KAZN: variants seen among roughly 807,000 people sequenced by gnomAD.
KAZN encodes kazrin, periplakin interacting protein, also known as kazrin.
Under a neutral mutation model 87.4 loss-of-function variants are expected in KAZN, and 40 were observed. That is an observed-to-expected ratio of 0.46 (90% CI 0.36 to 0.60). The LOEUF (loss-of-function observed/expected upper bound fraction) is 0.60, where lower values mean the gene tolerates loss of function less well. Ranked by LOEUF, KAZN falls within the 20% of genes least tolerant of loss-of-function variation. The pLI, the probability that KAZN is intolerant of heterozygous loss-of-function variation, is 0.00. For synonymous variants in KAZN, 466 were observed against 458.3 expected (o/e 1.02, Z -0.22); for missense variants, 898 against 1,073.9 (o/e 0.84, Z 2.29).
chr1:14,625,947 C>A (rs567737750), intron 1 of KAZN, among the ~76,000 whole-genome samples: 91 of 152,214 alleles, frequency 6.0e-4, no homozygotes, highest in Non-Finnish European at 1.1e-3. Flanking sequence ...TTGTTTCTCG[C>A]TTTTCAGGGG....
intron 1 of KAZN, among the ~76,000 whole-genome samples, chr1:14,870,209 T>A (rs1446292157): frequency 6.6e-6 from 1 of 152,178 alleles, no homozygotes; most frequent in Non-Finnish European, 1.5e-5. Context: ...ACCCTTCTAC[T>A]CAAAACCAAA....
intron 2 of KAZN, among the ~76,000 whole-genome samples, chr1:14,576,183 A>G (rs1309363405): frequency 6.6e-6 from 1 of 152,222 alleles, no homozygotes; most frequent in Non-Finnish European, 1.5e-5. Flanking sequence ...AATGAAGACG[A>G]TATTAGTATT....
chr1:13,893,582 G>T, exon 1 of KAZN: 1 of 1,515,668 alleles, frequency 6.6e-7, no homozygotes. Context: ...TGCAGTTCCT[G>T]GGCCAGCGAC....
Position 15,065,759 on chromosome 1 carries a change from G to A in KAZN, c.1222+6G>A, listed in dbSNP as rs747711810. The A allele has an allele frequency of 5.6e-6, 9 of 1,614,112 alleles. No homozygotes were observed. The highest frequency in any genetic ancestry group is 1.7e-4 in the Middle Eastern group (1 of 6,058). On this transcript the variant is annotated splice_donor_region_variant and intron_variant, in intron 8 of 14. Transcript: ENST00000376030. ...CGACCCCGGCCTCTTTGATGGTACC[G>A]CCCCTGATTATTACATAGAGGAGGA...
Position 15,056,179 on chromosome 1 carries a change from A to C in KAZN, c.815A>C (p.Gln272Pro). 6.2e-7 allele frequency: 1 copy of C among 1,614,178 alleles called. No homozygotes were observed. The highest frequency in any genetic ancestry group is 1.1e-5 in the South Asian group (1 of 91,084). ...MPGETVLNGN[Q>P]EWVVQADLPL... is the part of the protein sequence containing the mutation. The stretch of plus-strand genomic sequence containing the variant: ...GGCGAGACGGTGCTCAATGGCAACC[A>C]GGAGTGGGTGGTGCAGGCGGACCTC... The change falls in exon 5 of 15, where the codon CAG becomes CCG. Residue 272 changes from glutamine (Q) to proline (P), a missense_variant. Physicochemically the swap from Gln to Pro is moderately conservative, Grantham distance 76 (BLOSUM62 -1). Coordinates refer to ENST00000376030, the MANE Select transcript of KAZN (RefSeq NM_201628.3). This position sits in a 1 kb window ranked among gnomAD's most constrained non-coding sequence, Gnocchi z 5.4.
At chr1:14,870,354 T>C (rs1652001944) in intron 1 of KAZN, among the ~76,000 whole-genome samples, 1 of 152,172 alleles carries the variant, frequency 6.6e-6, no homozygotes, top group Non-Finnish European at 1.5e-5. Context: ...TTTTGTGTGT[T>C]TGTATTGAGA....
chr1:14,643,425 A>G (rs1032372598), intron 1 of KAZN, among the ~76,000 whole-genome samples: 1 of 152,114 alleles, frequency 6.6e-6, no homozygotes, highest in African/African-American at 2.4e-5. Flanking sequence ...TGTGGTATTC[A>G]GTTTCCTGTT....
chr1:14,105,481 T>C (rs919722546), intron 1 of KAZN, among the ~76,000 whole-genome samples: 12 of 152,224 alleles, frequency 7.9e-5, no homozygotes, highest in African/African-American at 2.7e-4. Context: ...TACTGAGCCT[T>C]GCCTTGTCCT....
In KAZN at chr1:15,096,028, A is replaced by G. The variant is rs1159906031; in HGVS notation, c.1547+1095A>G. On this transcript the variant is annotated intron_variant, in intron 10 of 14. Transcript: ENST00000376030. The surrounding 1 kb of genome is among the most constrained non-coding windows in gnomAD (Gnocchi z 4.5). ...GATGGGGAGGAGGGCCATGAGGGCA[A>G]CCCCTGCTGGGCTTTCCTTCCTGAG... is the stretch of plus-strand genomic sequence containing the variant. Among the ~76,000 whole-genome samples the G allele has an allele frequency of 6.6e-6, 1 of 152,036 alleles. No homozygotes were observed. The highest frequency in any genetic ancestry group is 1.5e-5 in the Non-Finnish European group (1 of 68,000).
intron 1 of KAZN, among the ~76,000 whole-genome samples, chr1:14,070,167 C>CAA (rs61327562): frequency 1.4e-5 from 1 of 72,912 alleles, no homozygotes; most frequent in African/African-American, 5.9e-5. Context: ...GACTCCATCT[C>CAA]AAAAAAAAAA....
chr1:14,151,629 C>G (rs1645475841), intron 1 of KAZN, among the ~76,000 whole-genome samples: 2 of 152,190 alleles, frequency 1.3e-5, no homozygotes, highest in Non-Finnish European at 2.9e-5. Flanking sequence ...GTCTAGTGAA[C>G]AAATCAACAG....
chr1:14,909,844 G>A (rs948993630), intron 1 of KAZN, among the ~76,000 whole-genome samples: 2 of 152,156 alleles, frequency 1.3e-5, no homozygotes, highest in Admixed American at 1.3e-4. Context: ...CAGGAGTTCA[G>A]GAGTTCGAGA....
chr1:14,598,758 T>A lies in KAZN; in HGVS notation c.-240T>A. 3.0e-6 allele frequency: 4 copies of A among 1,341,724 alleles called. No homozygotes were observed. Among genetic ancestry groups the A allele is most frequent in the Non-Finnish European group, 3.8e-6 (4 of 1,055,272 alleles). 83.1% of individuals were successfully genotyped at this position (1,341,724 alleles called of 1,614,324 possible). On this transcript the variant is annotated 5_prime_UTR_variant, in exon 1 of 15. Coordinates refer to ENST00000376030, the MANE Select transcript of KAZN (RefSeq NM_201628.3). This position sits in a 1 kb window ranked among gnomAD's most constrained non-coding sequence, Gnocchi z 4.2. The stretch of plus-strand genomic sequence containing the variant: ...CTGCTCCTCCTCCTCCTTCTCCTCC[T>A]CTTTTTTCTCCTCCGCCTCCTCCCC...
chr1:14,282,401 C>T (rs1008401950), intron 2 of KAZN, among the ~76,000 whole-genome samples: 1 of 152,216 alleles, frequency 6.6e-6, no homozygotes, highest in Non-Finnish European at 1.5e-5. Context: ...ATACTTATTC[C>T]TGAGAACACA....
intron 1 of KAZN, among the ~76,000 whole-genome samples, chr1:13,936,325 C>T (rs1640744666): frequency 6.6e-6 from 1 of 151,886 alleles, no homozygotes; most frequent in Non-Finnish European, 1.5e-5. Flanking sequence ...TGGTCTCGAA[C>T]TCCTGACTTC....
At chr1:13,910,783 G>A (rs1639626141) in intron 1 of KAZN, among the ~76,000 whole-genome samples, 1 of 152,056 alleles carries the variant, frequency 6.6e-6, no homozygotes, top group Non-Finnish European at 1.5e-5. Context: ...ATTTCCAGGT[G>A]CTTTCCCATA....
At chr1:14,481,145 A>C (rs945454521) in intron 2 of KAZN, among the ~76,000 whole-genome samples, 11 of 152,136 alleles carry the variant, frequency 7.2e-5, no homozygotes, top group African/African-American at 2.7e-4. Context: ...AGAGGGCTGC[A>C]GGAGCCACCA....
intron 2 of KAZN, among the ~76,000 whole-genome samples, chr1:14,183,969 G>T (rs1025985937): frequency 1.3e-5 from 2 of 152,066 alleles, no homozygotes; most frequent in African/African-American, 4.8e-5. Flanking sequence ...AACTTGGCCT[G>T]TACTGGGACT....
At chr1:14,900,818 T>G in intron 1 of KAZN, among the ~76,000 whole-genome samples, 1 of 151,378 alleles carries the variant, frequency 6.6e-6, no homozygotes, top group South Asian at 2.1e-4. Flanking sequence ...GTGCAGCTAC[T>G]ACTGTGGTCA....
Sources: gnomAD v4.1 joint callset for allele counts (sites outside exome capture counted in the v4.1 genomes callset) on GRCh38, gnomAD v4.1.1 for gene constraint, Gnocchi (gnomAD v3.1) non-coding constraint, MANE v1.5 for transcripts, NCBI Gene and HGNC (gene_info 2026-07-23, HGNC 2026-07-21) for gene names.